Variants in COL4A4 observed in about 807,000 individuals in gnomAD.
COL4A4 encodes collagen type IV alpha 4 chain.
COL4A4 carries 105 observed loss-of-function variants against 192.9 expected under a neutral mutation model. The observed-to-expected ratio is 0.54, with a 90% CI of 0.46 to 0.64. The LOEUF (loss-of-function observed/expected upper bound fraction) is 0.64, where lower values mean the gene tolerates loss of function less well. Among genes scored for constraint, COL4A4 ranks in the 30% least tolerant of loss-of-function variants. The probability of loss-of-function intolerance (pLI) is 0.00; values close to 1 mark genes in which losing one functional copy is unlikely to be tolerated. For missense variants in COL4A4, 1,967 were observed against 2,169.3 expected (o/e 0.91, Z 1.85); for synonymous variants, 762 against 769.9 (o/e 0.99, Z 0.17).
chr2:227,000,671 C>T (rs1960701793), downstream of COL4A4, among the ~76,000 whole-genome samples: 1 of 152,046 alleles, frequency 6.6e-6, no homozygotes, highest in Admixed American at 6.6e-5. Flanking sequence ...CAGCTCAGAG[C>T]AGTTGCCCTA....
chr2:227,033,286 A>C (rs1968818694), intron 38 of COL4A4, 124 bp downstream of exon 38: 4 of 783,614 alleles, frequency 5.1e-6, no homozygotes, highest in East Asian at 5.3e-5. Context: ...TCTCTAACCT[A>C]AGCCAGTTTT....
chr2:226,968,664 C>T, the COL4A4 span, among the ~76,000 whole-genome samples: 1 of 152,198 alleles, frequency 6.6e-6, no homozygotes, highest in Non-Finnish European at 1.5e-5. Flanking sequence ...CTCTCCGAAA[C>T]ATGTGCCATT....
At chr2:227,094,717 A>G (rs1193387419) in intron 19 of COL4A4, among the ~76,000 whole-genome samples, 3 of 152,214 alleles carry the variant, frequency 2.0e-5, no homozygotes, top group Non-Finnish European at 4.4e-5. Context: ...ACCACCCCCC[A>G]CAAATGATAA....
chr2:227,067,710 T>C (rs1307071360), intron 25 of COL4A4, among the ~76,000 whole-genome samples: 6 of 151,796 alleles, frequency 4.0e-5, no homozygotes, highest in Non-Finnish European at 7.4e-5. Flanking sequence ...TGGGATGCAC[T>C]CAAAGCAGTG....
In COL4A4 at chr2:227,031,923, CTT is replaced by C; in HGVS notation, c.3817+20_3817+21del. On this transcript the variant is annotated intron_variant, in intron 40 of 47. Coordinates refer to ENST00000396625, the MANE Select transcript of COL4A4 (RefSeq NM_000092.5). The stretch of plus-strand genomic sequence containing the variant: ...ATCTAACAAAGGGAGCACTGCCATC[CTT>C]TGTCATGATTCTCTCATACCTCTTG... 6.5e-7 allele frequency: 1 copy of C among 1,548,114 alleles called. No homozygotes were observed. Among genetic ancestry groups the C allele is most frequent in the South Asian group, 1.1e-5 (1 of 89,466 alleles).
At chr2:227,150,911 T>G (rs1217795283) in intron 1 of COL4A4, among the ~76,000 whole-genome samples, 1 of 152,080 alleles carries the variant, frequency 6.6e-6, no homozygotes, top group Non-Finnish European at 1.5e-5. Context: ...CTCCTTTTTT[T>G]TTTTTTAACA....
At chr2:227,028,266 T>G (rs940667601) in intron 41 of COL4A4, among the ~76,000 whole-genome samples, 1 of 152,152 alleles carries the variant, frequency 6.6e-6, no homozygotes, top group Admixed American at 6.5e-5. Flanking sequence ...AAAGAAGTCC[T>G]ATAACCCTAA....
intron 9 of COL4A4, among the ~76,000 whole-genome samples, 164 bp downstream of exon 9, chr2:227,111,514 C>T (rs4306711): frequency 2.6e-5 from 4 of 151,840 alleles, no homozygotes; most frequent in Non-Finnish European, 4.4e-5. Context: ...GTTCTGTGGT[C>T]GCCATCTTGA....
At chr2:227,122,591 T>C (rs2061856689) in intron 4 of COL4A4, among the ~76,000 whole-genome samples, 1 of 152,202 alleles carries the variant, frequency 6.6e-6, no homozygotes, top group Non-Finnish European at 1.5e-5. Context: ...GAAATCAGCA[T>C]GCCAGCCCTA....
intron 34 of COL4A4, among the ~76,000 whole-genome samples, chr2:227,048,405 T>C (rs1310808099): frequency 2.0e-5 from 3 of 152,156 alleles, no homozygotes; most frequent in African/African-American, 7.2e-5. Context: ...AAAGTGAGAA[T>C]TTGAAGTCCT....
chr2:227,082,332 G>T (rs2059369024), intron 22 of COL4A4, 145 bp from the exon 23 acceptor site: 1 of 763,594 alleles, frequency 1.3e-6, no homozygotes, highest in Non-Finnish European at 2.3e-6. Flanking sequence ...CCACTTCCCT[G>T]CCTTCCAAGG....
At chr2:227,110,887 G>T (rs1345974297) in intron 9 of COL4A4, among the ~76,000 whole-genome samples, 1 of 151,286 alleles carries the variant, frequency 6.6e-6, no homozygotes, top group Non-Finnish European at 1.5e-5. Flanking sequence ...TCACCATGTT[G>T]GCCAGGCTGG....
intron 12 of COL4A4, among the ~76,000 whole-genome samples, chr2:227,106,933 T>G (rs1203893012): frequency 1.3e-5 from 2 of 152,182 alleles, no homozygotes; most frequent in African/African-American, 2.4e-5. Flanking sequence ...ACATTTGAGA[T>G]CATTTGAATG....
In COL4A4 at chr2:227,032,200, T is replaced by C. The variant is rs369708146; in HGVS notation, c.3654A>G (p.Pro1218=). 7.2e-5 allele frequency: 117 copies of C among 1,614,220 alleles called. No individual in the cohort carries two copies. In the African/African-American group the frequency reaches 1.4e-3, roughly 19 times the overall value. ...CACGAGGACCTGGAGGAGAGATTCCTGGGCTCCCAGGGTCTCCTCTCTCCC... is the reference window on the plus strand; with the variant it reads ...CACGAGGACCTGGAGGAGAGATTCCCGGGCTCCCAGGGTCTCCTCTCTCCC... ...LKGERGDPGS[P]GISPPGPRGK... The change falls in exon 39 of 48, where the codon CCA becomes CCG. Residue 1218 remains proline (P), a synonymous_variant. Transcript: ENST00000396625.
At chr2:227,027,282 T>C (rs943571273) in intron 42 of COL4A4, among the ~76,000 whole-genome samples, 4 of 150,682 alleles carry the variant, frequency 2.7e-5, no homozygotes, top group African/African-American at 7.3e-5. Flanking sequence ...AAAATGTGTA[T>C]ATAAAATGAA....
chr2:227,102,431 A>G (rs2150783258), intron 15 of COL4A4, among the ~76,000 whole-genome samples: 1 of 152,296 alleles, frequency 6.6e-6, no homozygotes, highest in African/African-American at 2.4e-5. Context: ...TTGGAGCTTA[A>G]TATTGTACTT....
intron 22 of COL4A4, among the ~76,000 whole-genome samples, chr2:227,084,824 C>T (rs1206120236): frequency 3.3e-5 from 5 of 152,032 alleles, no homozygotes; most frequent in African/African-American, 1.2e-4. Flanking sequence ...CAACGGAAGC[C>T]CAGCAGCAAC....
At chr2:227,125,215 T>G (rs2062016936) in intron 4 of COL4A4, among the ~76,000 whole-genome samples, 1 of 151,882 alleles carries the variant, frequency 6.6e-6, no homozygotes, top group African/African-American at 2.4e-5. Flanking sequence ...TTTTTTTTTG[T>G]TTTTTTTCTT....
At chr2:227,101,962 C>G in intron 15 of COL4A4, 53 bp from the exon 16 acceptor site, 1 of 1,305,784 alleles carries the variant, frequency 7.7e-7, no homozygotes, top group Non-Finnish European at 1.1e-6. Context: ...AATGCATTAA[C>G]CAGCTCAGTG....
Sources: gnomAD v4.1 joint callset for allele counts (sites outside exome capture counted in the v4.1 genomes callset) on GRCh38, gnomAD v4.1.1 for gene constraint, MANE v1.5 for transcripts, NCBI Gene and HGNC (gene_info 2026-07-23, HGNC 2026-07-21) for gene names.